Variants in SHOC1 observed in about 807,000 individuals in gnomAD.
The protein encoded by SHOC1 is shortage in chiasmata 1.
Under a neutral mutation model 179.2 loss-of-function variants are expected in SHOC1, and 136 were observed. That is an observed-to-expected ratio of 0.76 (90% CI 0.66 to 0.87). The LOEUF (loss-of-function observed/expected upper bound fraction) is 0.87, where lower values mean the gene tolerates loss of function less well. Among genes scored for constraint, SHOC1 ranks in the 40% least tolerant of loss-of-function variants. SHOC1 has a pLI of 0.00. For synonymous variants in SHOC1, 489 were observed against 586.6 expected (o/e 0.83, Z 2.41); for missense variants, 1,538 against 1,700.8 (o/e 0.90, Z 1.68).
chr9:111,780,343 C>T (rs1228287547), intron 4 of SHOC1, among the ~76,000 whole-genome samples: 1 of 152,184 alleles, frequency 6.6e-6, no homozygotes, highest in Non-Finnish European at 1.5e-5. Context: ...TTAAATTGCA[C>T]CAAAATCTCT....
At chr9:111,700,583 C>T (rs1831923923) in intron 23 of SHOC1, among the ~76,000 whole-genome samples, 1 of 152,174 alleles carries the variant, frequency 6.6e-6, no homozygotes, top group African/African-American at 2.4e-5. Flanking sequence ...GAGGAAATTA[C>T]TAGCTTATAT....
Position 111,722,413 on chromosome 9 carries a change from GC to G in SHOC1, c.2126del (p.Arg709ProfsTer10). 1 of 1,588,762 alleles carries G rather than the reference GC, an allele frequency of 6.3e-7. No homozygotes were observed. Among genetic ancestry groups the G allele is most frequent in the Non-Finnish European group, 8.5e-7 (1 of 1,173,606 alleles). On this transcript the variant is annotated frameshift_variant, in exon 15 of 28. Coordinates refer to ENST00000682961, the MANE Select transcript of SHOC1 (RefSeq NM_001378211.1). LOFTEE classifies it high-confidence loss of function. ...EQEKVVSDAV[R>X]QGTIDEREMT... ...GTGACTTTTATTTGTACTCACCTTG[GC>G]GAACAGCATCACTTACTACTTTTTC...
chr9:111,742,134 A>T (rs761001562), intron 10 of SHOC1, among the ~76,000 whole-genome samples: 5 of 151,728 alleles, frequency 3.3e-5, no homozygotes, highest in Non-Finnish European at 7.4e-5. Context: ...TCCCACCTCT[A>T]CCTCCCTCAA....
chr9:111,693,195 G>A (rs184338832), intron 26 of SHOC1, among the ~76,000 whole-genome samples: 3 of 151,892 alleles, frequency 2.0e-5, no homozygotes, highest in African/African-American at 7.2e-5. Flanking sequence ...AGTCCTAGCT[G>A]CTCGGGAGGC....
chr9:111,793,444 G>A (rs769957951), intron 1 of SHOC1, among the ~76,000 whole-genome samples: 1 of 152,114 alleles, frequency 6.6e-6, no homozygotes, highest in Non-Finnish European at 1.5e-5. Context: ...TGAAATTCAT[G>A]CTAAATATGT....
At chr9:111,769,267 T>C (rs1285451815) in intron 5 of SHOC1, among the ~76,000 whole-genome samples, 2 of 152,162 alleles carry the variant, frequency 1.3e-5, no homozygotes, top group Non-Finnish European at 2.9e-5. Flanking sequence ...AATGCTGGCC[T>C]TGTAGAATGT....
chr9:111,781,401 T>G (rs1310208539), intron 3 of SHOC1, among the ~76,000 whole-genome samples: 1 of 152,170 alleles, frequency 6.6e-6, no homozygotes, highest in Non-Finnish European at 1.5e-5. Context: ...CAGTAGCACT[T>G]GGGTACTCAA....
Position 111,716,381 on chromosome 9 carries a change from CTTTTTTTTTTTT to C in SHOC1, c.2237-1770_2237-1759del, listed in dbSNP as rs34548781. Among the ~76,000 whole-genome samples, 438 of 67,812 alleles carry C rather than the reference CTTTTTTTTTTTT, an allele frequency of 6.5e-3. 6 individuals carry two copies. Among genetic ancestry groups the C allele is most frequent in the South Asian group, 0.017 (23 of 1,366 alleles). 44.5% of individuals were successfully genotyped at this position (67,812 alleles called of 152,430 possible). A position where few individuals can be genotyped will look rare whatever the true frequency, so the allele number is the denominator to read the frequency against. ...TAAATATTATTTCTTTCTTTTCTCC[CTTTTTTTTTTTT>C]TTTTTTTTTTTTTTGAGACGGAGTT... On this transcript the variant is annotated intron_variant, in intron 16 of 27. Transcript: ENST00000682961.
intron 12 of SHOC1, among the ~76,000 whole-genome samples, chr9:111,734,279 T>A (rs1833723889): frequency 6.6e-6 from 1 of 152,234 alleles, no homozygotes. Context: ...ATGAATATGT[T>A]TTATTTTAAT....
In SHOC1 at chr9:111,699,162, A is replaced by G. The variant is rs1273673620; in HGVS notation, c.3183+792T>C. Among the ~76,000 whole-genome samples, 3 of 152,144 alleles carry G rather than the reference A, an allele frequency of 2.0e-5. No individual in the cohort carries two copies. The East Asian group carries it at 5.8e-4, about 29-fold the overall frequency. On this transcript the variant is annotated intron_variant, in intron 24 of 27. Coordinates refer to ENST00000682961, the MANE Select transcript of SHOC1 (RefSeq NM_001378211.1). ...GTTAGGAAGCTACTTTAAAAATCCA[A>G]GTGTGAGGTGGTGAAGGCCTGAATT...
chr9:111,704,483 A>G (rs1490380055), intron 21 of SHOC1, among the ~76,000 whole-genome samples: 2 of 152,148 alleles, frequency 1.3e-5, no homozygotes, highest in East Asian at 1.9e-4. Flanking sequence ...CCTGGGCTCA[A>G]TCGAACCTCT....
intron 8 of SHOC1, among the ~76,000 whole-genome samples, chr9:111,749,417 G>A (rs1180586473): frequency 6.6e-6 from 1 of 151,958 alleles, no homozygotes; most frequent in African/African-American, 2.4e-5. Flanking sequence ...TGCTTCCAAT[G>A]CCTTTTCCTT....
intron 16 of SHOC1, among the ~76,000 whole-genome samples, 180 bp from the exon 17 acceptor site, chr9:111,714,803 T>C (rs1036655815): frequency 6.6e-6 from 1 of 152,210 alleles, no homozygotes; most frequent in Non-Finnish European, 1.5e-5. Context: ...CTTAAAAATA[T>C]GTACCACATA....
At chr9:111,740,649 G>C (rs1833988860) in intron 11 of SHOC1, among the ~76,000 whole-genome samples, 1 of 152,144 alleles carries the variant, frequency 6.6e-6, no homozygotes. Context: ...CTCAGCTCTT[G>C]CAACTTCCAC....
intron 15 of SHOC1, among the ~76,000 whole-genome samples, chr9:111,718,725 C>A (rs1047486751): frequency 1.3e-5 from 2 of 152,154 alleles, no homozygotes; most frequent in Non-Finnish European, 2.9e-5. Flanking sequence ...AGGATCATAA[C>A]ATGAAGAAAT....
chr9:111,767,343 G>A (rs1835395299), intron 5 of SHOC1, among the ~76,000 whole-genome samples: 1 of 152,062 alleles, frequency 6.6e-6, no homozygotes, highest in Non-Finnish European at 1.5e-5. Context: ...TTAAGTCTTT[G>A]ATCCATTTTT....
chr9:111,754,531 C>T (rs757856991), intron 8 of SHOC1, among the ~76,000 whole-genome samples: 1 of 152,154 alleles, frequency 6.6e-6, no homozygotes, highest in Non-Finnish European at 1.5e-5. Context: ...AGTGTAGTTA[C>T]TTTGGAAAAC....
rs200127978 is a variant in SHOC1 at position 111,704,674 on chromosome 9, G to A, written c.2855+573C>T. Reference sequence around the variant, plus strand: ...TACAATTATCCTTCCTTGACATGGAGCCCAAGGTCCAACATTCCTGTGACA... The same window carrying A: ...TACAATTATCCTTCCTTGACATGGAACCCAAGGTCCAACATTCCTGTGACA... On this transcript the variant is annotated intron_variant, in intron 21 of 27. Transcript: ENST00000682961. Among the ~76,000 whole-genome samples the A allele has an allele frequency of 1.1e-4, 16 of 152,286 alleles. No homozygotes were observed. In the East Asian group the frequency reaches 3.1e-3, roughly 29 times the overall value.
At chr9:111,710,630 C>A (rs772319720) in intron 18 of SHOC1, among the ~76,000 whole-genome samples, 2 of 152,080 alleles carry the variant, frequency 1.3e-5, no homozygotes, top group Non-Finnish European at 2.9e-5. Flanking sequence ...ATAAGAGGAT[C>A]ATTTCTAAGG....
Sources: gnomAD v4.1 joint callset for allele counts (sites outside exome capture counted in the v4.1 genomes callset) on GRCh38, gnomAD v4.1.1 for gene constraint, MANE v1.5 for transcripts, NCBI Gene and HGNC (gene_info 2026-07-23, HGNC 2026-07-21) for gene names.